Variants in YTHDF3 observed in about 807,000 individuals in gnomAD.
YTHDF3 encodes the protein YTH N6-methyladenosine RNA binding protein F3, also known as YTH domain-containing family protein 3.
A neutral mutation model predicts 52.5 loss-of-function variants in YTHDF3; 9 were observed. The observed-to-expected ratio is 0.17, with a 90% CI of 0.10 to 0.30. YTHDF3 has a LOEUF of 0.30. Ranked by LOEUF, YTHDF3 falls within the 10% of genes least tolerant of loss-of-function variation. The pLI is 1.00. For missense variants in YTHDF3, 534 were observed against 715.0 expected (o/e 0.75, Z 2.89); for synonymous variants, 274 against 243.3 (o/e 1.13, Z -1.18).
Position 63,168,693 on chromosome 8 carries a change from C to A in YTHDF3, c.-185C>A. On this transcript the variant is annotated 5_prime_UTR_variant, in exon 1 of 5. Transcript: ENST00000539294. ...GAGAGGGGGAAGAGGAGCGTGCAAG[C>A]GGAAAAGACGGGCCTCTTCCTCCGA... The A allele has an allele frequency of 8.9e-7, 1 of 1,126,080 alleles. No homozygotes were observed. Among genetic ancestry groups the A allele is most frequent in the Non-Finnish European group, 1.3e-6 (1 of 786,132 alleles). 69.8% of individuals were successfully genotyped at this position (1,126,080 alleles called of 1,614,324 possible). A position where few individuals can be genotyped will look rare whatever the true frequency, so the allele number is the denominator to read the frequency against.
chr8:63,170,575 A>G (rs755379010), intron 2 of YTHDF3, among the ~76,000 whole-genome samples: 4 of 152,170 alleles, frequency 2.6e-5, no homozygotes, highest in Non-Finnish European at 5.9e-5. Flanking sequence ...AACCTGAAAT[A>G]AAAATTGGAT....
chr8:63,192,801 CT>C (rs1261216108), intron 4 of YTHDF3, among the ~76,000 whole-genome samples: 1 of 143,448 alleles, frequency 7.0e-6, no homozygotes, highest in Non-Finnish European at 1.5e-5. Context: ...CTAGGATTTT[CT>C]TTACTACTTA....
At chr8:63,196,897 A>G (rs1050257015) in intron 4 of YTHDF3, among the ~76,000 whole-genome samples, 10 of 152,314 alleles carry the variant, frequency 6.6e-5, no homozygotes, top group Admixed American at 5.2e-4. Context: ...AATTCAAGAA[A>G]GAACAACAAC....
At chr8:63,184,207 A>AT (rs1808350466) in intron 3 of YTHDF3, among the ~76,000 whole-genome samples, 1 of 152,218 alleles carries the variant, frequency 6.6e-6, no homozygotes, top group Non-Finnish European at 1.5e-5. Flanking sequence ...CAAATAAAAA[A>AT]CCAACATAGT....
Position 63,187,174 on chromosome 8 carries a change from G to C in YTHDF3, c.1163G>C (p.Ser388Thr), listed in dbSNP as rs1250181631. ...GVVPVSASPS[S>T]VEVHPVLEKL... ...GTACCTGTCAGTGCTTCACCTTCTAGTGTAGAAGTGCATCCCGTGCTGGAA... is the reference window on the plus strand; with the variant it reads ...GTACCTGTCAGTGCTTCACCTTCTACTGTAGAAGTGCATCCCGTGCTGGAA... Residue 388 changes from serine to threonine, a missense_variant, in exon 4 of 5, where the codon AGT becomes ACT. Around this residue, in one of 3 missense-constraint regions of YTHDF3, gnomAD observed 203 missense variants for 201.3 expected, o/e 1.01. Coordinates refer to ENST00000539294, the MANE Select transcript of YTHDF3 (RefSeq NM_152758.6). The C allele has an allele frequency of 6.2e-7, 1 of 1,613,986 alleles. No individual in the cohort carries two copies.
chr8:63,184,015 ATTG>A (rs147924391), intron 3 of YTHDF3, among the ~76,000 whole-genome samples: 11,895 of 152,260 alleles, frequency 0.078, 559 homozygotes, highest in East Asian at 0.21. Context: ...GTTATACTGT[ATTG>A]TTTAGGGAAT....
intron 3 of YTHDF3, among the ~76,000 whole-genome samples, chr8:63,179,223 CTT>C (rs772611014): frequency 7.2e-5 from 10 of 138,866 alleles, no homozygotes; most frequent in Admixed American, 1.4e-4. Flanking sequence ...TCCTTCATTT[CTT>C]TTTTTTTTTT....
At chr8:63,200,135 A>G (rs928519229) in intron 4 of YTHDF3, among the ~76,000 whole-genome samples, 1 of 152,080 alleles carries the variant, frequency 6.6e-6, no homozygotes, top group African/African-American at 2.4e-5. Context: ...ATCCAAACTC[A>G]CGGTTGTTGG....
chr8:63,169,346 C>A, intron 1 of YTHDF3, 41 bp from the exon 2 acceptor site: 2 of 1,584,404 alleles, frequency 1.3e-6, no homozygotes, highest in Non-Finnish European at 1.7e-6. Flanking sequence ...TCTTTTCTTC[C>A]TTTTTCTCCT....
chr8:63,174,721 A>G (rs1807571881), intron 2 of YTHDF3, among the ~76,000 whole-genome samples: 1 of 152,206 alleles, frequency 6.6e-6, no homozygotes, highest in Non-Finnish European at 1.5e-5. Flanking sequence ...GTTTCATGTG[A>G]AAGTCTTCAT....
At chr8:63,179,445 A>G (rs1411938379) in intron 3 of YTHDF3, among the ~76,000 whole-genome samples, 2 of 152,198 alleles carry the variant, frequency 1.3e-5, no homozygotes, top group Non-Finnish European at 2.9e-5. Flanking sequence ...GCCTTCAAGC[A>G]TCTGTTTAAC....
At chr8:63,169,081 G>T in intron 1 of YTHDF3, 180 bp downstream of exon 1, 1 of 1,385,424 alleles carries the variant, frequency 7.2e-7, no homozygotes, top group Non-Finnish European at 9.3e-7. Flanking sequence ...TAGCTTGCGG[G>T]CGGGCGGGCG....
At chr8:63,175,154 T>A (rs994004711) in intron 2 of YTHDF3, among the ~76,000 whole-genome samples, 177 bp from the exon 3 acceptor site, 2 of 152,212 alleles carry the variant, frequency 1.3e-5, no homozygotes, top group Admixed American at 6.5e-5. Context: ...TTTTAAGTTT[T>A]TGTGGCACAT....
chr8:63,169,890 TGA>T lies in YTHDF3; in HGVS notation c.49+485_49+486del, dbSNP rs745730690. Among the ~76,000 whole-genome samples, 12 of 152,270 alleles carry T rather than the reference TGA, an allele frequency of 7.9e-5. No homozygotes were observed. The East Asian group carries it at 2.1e-3, about 27-fold the overall frequency. ...AGTCAGTTGTAATGAGGCAACAACA[TGA>T]GAGAGGTTAGAACTGAGTAGGCATG... On this transcript the variant is annotated intron_variant, in intron 2 of 4. Coordinates refer to ENST00000539294, the MANE Select transcript of YTHDF3 (RefSeq NM_152758.6).
In YTHDF3 at chr8:63,185,161, C is replaced by T. The variant is rs190989742; in HGVS notation, c.136-986C>T. On this transcript the variant is annotated intron_variant, in intron 3 of 4. Transcript: ENST00000539294. ...ATAAAAGCACACCTAAATCAAAGAT[C>T]GAAAATCTAGTTTCAGACTTTTTTT... 1.8e-4 allele frequency among the ~76,000 whole-genome samples: 27 copies of T among 150,174 alleles called. No individual in the cohort carries two copies. In the East Asian group the frequency reaches 4.7e-3, roughly 26 times the overall value.
chr8:63,169,225 C>T, intron 1 of YTHDF3, 162 bp from the exon 2 acceptor site: 1 of 1,313,680 alleles, frequency 7.6e-7, no homozygotes, highest in Non-Finnish European at 1.0e-6. Flanking sequence ...GGTTTAAAGG[C>T]TGGGGGTGGT....
At chr8:63,182,079 T>A (rs1206585562) in intron 3 of YTHDF3, among the ~76,000 whole-genome samples, 4 of 135,536 alleles carry the variant, frequency 3.0e-5, no homozygotes, top group South Asian at 2.1e-4. Flanking sequence ...TTTTTTTAAA[T>A]TTTTTTTTTA....
chr8:63,174,915 A>C (rs892510060), intron 2 of YTHDF3, among the ~76,000 whole-genome samples: 1 of 152,232 alleles, frequency 6.6e-6, no homozygotes, highest in African/African-American at 2.4e-5. Flanking sequence ...TAATTTAGAG[A>C]TTTAAACAAA....
In YTHDF3 at chr8:63,210,795, A is replaced by G. The variant is rs1433821257; in HGVS notation, c.*1089A>G. ...AGATCTATATAAGTGGGAATACAGC[A>G]TATATCTGGATATTCTTATAGTTAT... is the stretch of plus-strand genomic sequence containing the variant. On this transcript the variant is annotated 3_prime_UTR_variant, in exon 5 of 5. Coordinates refer to ENST00000539294, the MANE Select transcript of YTHDF3 (RefSeq NM_152758.6). The G allele has an allele frequency of 6.6e-6, 1 of 152,582 alleles. No individual in the cohort carries two copies. The highest frequency in any genetic ancestry group is 1.5e-5 in the Non-Finnish European group (1 of 67,984). The allele number at this position is 152,582 out of a possible 1,614,324, so 9.5% of individuals were successfully genotyped here. A position where few individuals can be genotyped will look rare whatever the true frequency, so the allele number is the denominator to read the frequency against.
Sources: gnomAD v4.1 joint callset for allele counts (sites outside exome capture counted in the v4.1 genomes callset) on GRCh38, gnomAD v4.1.1 for gene constraint, gnomAD v4.1.1 regional missense constraint, MANE v1.5 for transcripts, NCBI Gene and HGNC (gene_info 2026-07-23, HGNC 2026-07-21) for gene names.